The following GNPTAB variants were observed in gnomAD, a reference collection of about 807,000 sequenced individuals.
GNPTAB encodes N-acetylglucosamine-1-phosphotransferase subunits alpha/beta.
Under a neutral mutation model 136.6 loss-of-function variants are expected in GNPTAB, and 92 were observed. That is an observed-to-expected ratio of 0.67 (90% CI 0.57 to 0.80). The LOEUF (loss-of-function observed/expected upper bound fraction) is 0.80. Ranked by LOEUF, GNPTAB falls within the 30% of genes least tolerant of loss-of-function variation. The pLI, the probability that GNPTAB is intolerant of heterozygous loss-of-function variation, is 0.00. For synonymous variants in GNPTAB, 512 were observed against 535.1 expected (o/e 0.96, Z 0.60); for missense variants, 1,343 against 1,501.8 (o/e 0.89, Z 1.75).
At chr12:101,761,884 A>C in intron 13 of GNPTAB, 121 bp from the exon 14 acceptor site, 1 of 775,104 alleles carries the variant, frequency 1.3e-6, no homozygotes. Context: ...GGAGCAAATG[A>C]AATACATGTT....
intron 8 of GNPTAB, among the ~76,000 whole-genome samples, 160 bp from the exon 9 acceptor site, chr12:101,770,745 G>GTA: frequency 6.6e-6 from 1 of 152,240 alleles, no homozygotes; most frequent in South Asian, 2.1e-4. Context: ...AAAAGATTCA[G>GTA]TATATATATT....
intron 13 of GNPTAB, among the ~76,000 whole-genome samples, chr12:101,762,903 T>TTA (rs1953022077): frequency 8.0e-6 from 1 of 125,192 alleles, no homozygotes; most frequent in Non-Finnish European, 1.7e-5. Flanking sequence ...TTTGTAAATT[T>TTA]AAAAAAAAAA....
At chr12:101,776,121 AC>A (rs1254089185) in intron 7 of GNPTAB, among the ~76,000 whole-genome samples, 1 of 152,174 alleles carries the variant, frequency 6.6e-6, no homozygotes, top group Non-Finnish European at 1.5e-5. Flanking sequence ...TTGCACACTC[AC>A]TCAACAACTA....
chr12:101,797,054 C>A (rs1251823013), intron 1 of GNPTAB, among the ~76,000 whole-genome samples: 1 of 151,886 alleles, frequency 6.6e-6, no homozygotes, highest in Non-Finnish European at 1.5e-5. Flanking sequence ...AATGAGTTCA[C>A]CAGGTAGGGA....
intron 1 of GNPTAB, among the ~76,000 whole-genome samples, chr12:101,801,437 G>A (rs1419036266): frequency 6.7e-6 from 1 of 148,818 alleles, no homozygotes; most frequent in Admixed American, 6.8e-5. Flanking sequence ...CTACCTGGGA[G>A]GCTGAAGCGG....
intron 5 of GNPTAB, among the ~76,000 whole-genome samples, chr12:101,784,576 G>GAGTCCATA (rs1455156446): frequency 3.3e-5 from 5 of 152,222 alleles, no homozygotes; most frequent in Non-Finnish European, 7.4e-5. Flanking sequence ...AGACTGAGAT[G>GAGTCCATA]GACTTTACAT....
chr12:101,797,986 C>T (rs1200109912), intron 1 of GNPTAB, among the ~76,000 whole-genome samples: 1 of 152,096 alleles, frequency 6.6e-6, no homozygotes, highest in Non-Finnish European at 1.5e-5. Context: ...GAACACCTTC[C>T]CTTCACTCCA....
At chr12:101,772,961 C>T (rs1437203983) in intron 7 of GNPTAB, among the ~76,000 whole-genome samples, 1 of 152,134 alleles carries the variant, frequency 6.6e-6, no homozygotes, top group Non-Finnish European at 1.5e-5. Context: ...GGATTACAGG[C>T]AAGCACCACC....
intron 2 of GNPTAB, 43 bp downstream of exon 2, chr12:101,796,634 C>T (rs756351700): frequency 1.6e-5 from 21 of 1,303,416 alleles, no homozygotes; most frequent in South Asian, 1.2e-4. Flanking sequence ...TCATGACTTA[C>T]GATTTAGGTC....
chr12:101,785,890 T>A (rs1868613674), intron 5 of GNPTAB, 122 bp downstream of exon 5: 1 of 784,080 alleles, frequency 1.3e-6, no homozygotes. Flanking sequence ...TGCTTCTCTT[T>A]GTGCATTTTT....
chr12:101,767,949 T>C (rs370116204), intron 11 of GNPTAB, 88 bp downstream of exon 11: 15 of 1,358,988 alleles, frequency 1.1e-5, no homozygotes, highest in East Asian at 4.6e-5. Flanking sequence ...TAAAGAATGT[T>C]TGGTTAAGTC....
chr12:101,751,096 T>A (rs955275425), intron 19 of GNPTAB, among the ~76,000 whole-genome samples: 2 of 151,996 alleles, frequency 1.3e-5, no homozygotes, highest in Non-Finnish European at 2.9e-5. Context: ...AAAAAAAAAA[T>A]CTCTCCTGGG....
At chr12:101,772,139 A>C (rs1368053811) in intron 7 of GNPTAB, among the ~76,000 whole-genome samples, 3 of 151,786 alleles carry the variant, frequency 2.0e-5, no homozygotes, top group Non-Finnish European at 2.9e-5. Flanking sequence ...AGTCCACACC[A>C]CTCTTTATCT....
intron 1 of GNPTAB, among the ~76,000 whole-genome samples, chr12:101,814,554 G>A (rs542829137): frequency 6.6e-5 from 10 of 151,800 alleles, no homozygotes; most frequent in East Asian, 1.9e-4. Flanking sequence ...AAAATTAGCC[G>A]GGTGTGGTGG....
chr12:101,773,322 G>A (rs1953209618), intron 7 of GNPTAB: 1 of 265,686 alleles, frequency 3.8e-6, no homozygotes, highest in Non-Finnish European at 7.6e-6. Context: ...CTCTCCACCT[G>A]CTCCCTCAGA....
intron 1 of GNPTAB, among the ~76,000 whole-genome samples, chr12:101,818,935 T>C (rs932155247): frequency 6.6e-6 from 1 of 152,148 alleles, no homozygotes; most frequent in Non-Finnish European, 1.5e-5. Flanking sequence ...AAGATGTGCC[T>C]TTGCTCCTCT....
At chr12:101,760,831 G>A (rs1433453521) in intron 15 of GNPTAB, among the ~76,000 whole-genome samples, 2 of 149,262 alleles carry the variant, frequency 1.3e-5, no homozygotes, top group Non-Finnish European at 3.0e-5. Flanking sequence ...CCAGGCTGGA[G>A]TGCAGTGGCG....
chr12:101,762,903 T>TAAA (rs35645073), intron 13 of GNPTAB, among the ~76,000 whole-genome samples: 11 of 125,148 alleles, frequency 8.8e-5, no homozygotes, highest in South Asian at 2.5e-4. Context: ...TTTGTAAATT[T>TAAA]AAAAAAAAAA....
chr12:101,775,219 G>A (rs1488230190), intron 7 of GNPTAB, among the ~76,000 whole-genome samples: 2 of 152,138 alleles, frequency 1.3e-5, no homozygotes, highest in Admixed American at 1.3e-4. Flanking sequence ...TTCAGAAGGT[G>A]TAATCTACTT....
Sources: gnomAD v4.1 joint callset for allele counts (sites outside exome capture counted in the v4.1 genomes callset) on GRCh38, gnomAD v4.1.1 for gene constraint, MANE v1.5 for transcripts, NCBI Gene and HGNC (gene_info 2026-07-23, HGNC 2026-07-21) for gene names.